The following FMN1 variants were observed in gnomAD, a reference collection of about 807,000 sequenced individuals.
FMN1 encodes formin-1.
FMN1 carries 110 observed loss-of-function variants against 132.4 expected under a neutral mutation model. The ratio of observed to expected loss-of-function variants is 0.83; its 90% CI spans 0.71 to 0.97. The LOEUF (loss-of-function observed/expected upper bound fraction) is 0.97, where lower values mean the gene tolerates loss of function less well. Among genes scored for constraint, FMN1 ranks in the 50% least tolerant of loss-of-function variants. The probability of loss-of-function intolerance (pLI) is 0.00; values close to 1 mark genes in which losing one functional copy is unlikely to be tolerated. For missense variants in FMN1, 1,792 were observed against 1,705.3 expected (o/e 1.05, Z -0.90); for synonymous variants, 722 against 651.7 (o/e 1.11, Z -1.64).
At chr15:33,123,803 A>G (rs544908091) in intron 4 of FMN1, among the ~76,000 whole-genome samples, 39 of 152,346 alleles carry the variant, frequency 2.6e-4, no homozygotes, top group African/African-American at 8.4e-4. Context: ...TACAAGTGGC[A>G]GAAATCCAAC....
intron 17 of FMN1, among the ~76,000 whole-genome samples, chr15:32,826,376 C>A (rs540704186): frequency 2.2e-4 from 34 of 152,106 alleles, no homozygotes; most frequent in African/African-American, 8.2e-4. Flanking sequence ...ACACTGAGAT[C>A]GAATTCCCTG....
At chr15:32,922,508 A>C (rs1043333086) in intron 10 of FMN1, among the ~76,000 whole-genome samples, 2 of 152,232 alleles carry the variant, frequency 1.3e-5, no homozygotes, top group African/African-American at 4.8e-5. Flanking sequence ...ATAGAGAAGC[A>C]AAACTCTTCC....
chr15:32,832,264 G>A (rs2058520695), intron 17 of FMN1, among the ~76,000 whole-genome samples: 1 of 152,160 alleles, frequency 6.6e-6, no homozygotes, highest in African/African-American at 2.4e-5. Flanking sequence ...TGGATTTAAT[G>A]CTTTTGTTAA....
At chr15:32,779,358 A>G (rs187889511) in intron 19 of FMN1, among the ~76,000 whole-genome samples, 1 of 152,244 alleles carries the variant, frequency 6.6e-6, no homozygotes, top group Non-Finnish European at 1.5e-5. Flanking sequence ...TCATTAATTC[A>G]GCATGATAGT....
chr15:33,173,892 G>A (rs1196204536), intron 3 of FMN1, among the ~76,000 whole-genome samples: 1 of 152,098 alleles, frequency 6.6e-6, no homozygotes, highest in Non-Finnish European at 1.5e-5. Flanking sequence ...TTGCGCCACT[G>A]CACTCCAGCC....
chr15:32,835,493 G>C (rs2058601817), intron 17 of FMN1, among the ~76,000 whole-genome samples: 1 of 152,196 alleles, frequency 6.6e-6, no homozygotes, highest in Non-Finnish European at 1.5e-5. Context: ...AAGATGCTTG[G>C]AGATGAAGAC....
rs1236988190 is a variant in FMN1 at position 32,765,911 on chromosome 15, A to T, written c.*8399T>A. 6.6e-6 allele frequency: 1 copy of T among 152,184 alleles called. No homozygotes were observed. The highest frequency in any genetic ancestry group is 1.5e-5 in the Non-Finnish European group (1 of 68,034). 9.4% of individuals were successfully genotyped at this position (152,184 alleles called of 1,614,324 possible). A position where few individuals can be genotyped will look rare whatever the true frequency, so the allele number is the denominator to read the frequency against. ...GTTGCAAATGACATTTATAAATTCA[A>T]CTCATGAGCATTTCTCAGCTTTGAC... On this transcript the variant is annotated 3_prime_UTR_variant, in exon 21 of 21. Transcript: ENST00000616417.
chr15:33,072,356 T>A lies in FMN1; in HGVS notation c.2044-7282A>T, dbSNP rs142899053. 3.6e-3 allele frequency among the ~76,000 whole-genome samples: 542 copies of A among 152,266 alleles called. 3 individuals carry two copies. The highest frequency in any genetic ancestry group is 0.012 in the African/African-American group (518 of 41,554). ...CCCAGAGCCTCCTGTGGGACTTGGG[T>A]ATGAGAGGATTTGGGTATATGGGTG... On this transcript the variant is annotated intron_variant, in intron 5 of 20. Transcript: ENST00000616417.
chr15:33,041,250 T>C (rs1339234194), intron 6 of FMN1, among the ~76,000 whole-genome samples: 2 of 152,072 alleles, frequency 1.3e-5, no homozygotes, highest in East Asian at 1.9e-4. Context: ...AGGTCTATGA[T>C]AGAAGAGTAT....
intron 6 of FMN1, among the ~76,000 whole-genome samples, chr15:33,025,680 A>T (rs1374260153): frequency 6.6e-6 from 1 of 152,212 alleles, no homozygotes; most frequent in Non-Finnish European, 1.5e-5. Flanking sequence ...AAAATTTATC[A>T]GTGGTATCTC....
Position 32,769,637 on chromosome 15 carries a change from C to T in FMN1, c.*4673G>A, listed in dbSNP as rs2056160817. 1 of 146,798 alleles carries T rather than the reference C, an allele frequency of 6.8e-6. No homozygotes were observed. Among genetic ancestry groups the T allele is most frequent in the African/African-American group, 2.5e-5 (1 of 40,270 alleles). 9.1% of individuals were successfully genotyped at this position (146,798 alleles called of 1,614,324 possible). On this transcript the variant is annotated 3_prime_UTR_variant, in exon 21 of 21. Transcript: ENST00000616417. The stretch of plus-strand genomic sequence containing the variant: ...TTCCAGGCAGCTGGATTGTTTCTCT[C>T]TATAGCTGGAAAATGGAAATATATC...
chr15:33,125,056 T>G (rs1383359648), intron 4 of FMN1, among the ~76,000 whole-genome samples: 1 of 152,160 alleles, frequency 6.6e-6, no homozygotes, highest in East Asian at 1.9e-4. Flanking sequence ...TTAAACAATT[T>G]AAAGCGACTG....
chr15:33,012,612 A>G lies in FMN1; in HGVS notation c.2162-4537T>C, dbSNP rs1486924180. On this transcript the variant is annotated intron_variant, in intron 6 of 20. Transcript: ENST00000616417. ...CTGTGGATAAGACTGTCGTTCAGAAATACCACACTGCAAATGACCACAACT... is the reference window on the plus strand; with the variant it reads ...CTGTGGATAAGACTGTCGTTCAGAAGTACCACACTGCAAATGACCACAACT... 2.9e-6 allele frequency: 3 copies of G among 1,036,378 alleles called. No homozygotes were observed. The East Asian group carries it at 7.1e-5, about 24-fold the overall frequency. The allele number at this position is 1,036,378 out of a possible 1,614,324, so 64.2% of individuals were successfully genotyped here.
At chr15:33,127,358 T>TGA (rs1555405600) in intron 4 of FMN1, among the ~76,000 whole-genome samples, 1 of 152,116 alleles carries the variant, frequency 6.6e-6, no homozygotes, top group Admixed American at 6.5e-5. Context: ...CTAAATAACT[T>TGA]GACTCTGTTC....
chr15:33,016,190 T>A (rs563457462), intron 6 of FMN1, among the ~76,000 whole-genome samples: 38 of 152,322 alleles, frequency 2.5e-4, no homozygotes, highest in African/African-American at 7.9e-4. Context: ...GCATAAAGGA[T>A]GACATTTGAA....
At chr15:32,954,606 C>T (rs548232794) in intron 9 of FMN1, among the ~76,000 whole-genome samples, 52 of 152,264 alleles carry the variant, frequency 3.4e-4, no homozygotes, top group African/African-American at 1.2e-3. Flanking sequence ...AAGCTGGGCA[C>T]TTTTTTCACT....
chr15:33,171,931 C>T (rs985314570), intron 3 of FMN1, among the ~76,000 whole-genome samples: 2 of 152,080 alleles, frequency 1.3e-5, no homozygotes, highest in Non-Finnish European at 2.9e-5. Flanking sequence ...TGTTTTTGGC[C>T]GGGCGCGGTG....
intron 17 of FMN1, among the ~76,000 whole-genome samples, chr15:32,853,390 G>A (rs1468886729): frequency 1.3e-5 from 2 of 152,060 alleles, no homozygotes; most frequent in African/African-American, 4.8e-5. Flanking sequence ...ACATGTTGTG[G>A]CTTATGGCAG....
intron 17 of FMN1, among the ~76,000 whole-genome samples, chr15:32,853,254 A>G: frequency 6.6e-6 from 1 of 152,138 alleles, no homozygotes; most frequent in Non-Finnish European, 1.5e-5. Flanking sequence ...TCTTACCTAA[A>G]AGTGTTGGGC....
Sources: allele counts gnomAD v4.1 joint callset (sites outside exome capture counted in the v4.1 genomes callset), GRCh38; gene constraint gnomAD v4.1.1; transcripts MANE v1.5; gene names NCBI Gene and HGNC (gene_info 2026-07-23, HGNC 2026-07-21).